Variants in ZCCHC10 observed in about 807,000 individuals in gnomAD.
ZCCHC10 encodes the protein zinc finger CCHC domain-containing protein 10.
A neutral mutation model predicts 19.5 loss-of-function variants in ZCCHC10; 16 were observed. The observed-to-expected ratio is 0.82, with a 90% CI of 0.56 to 1.25. The LOEUF is 1.25. ZCCHC10 is among the 50% of genes most tolerant of loss of function. ZCCHC10 has a pLI of 0.00. For missense variants in ZCCHC10, 197 were observed against 201.0 expected, an observed-to-expected ratio of 0.98 and a Z score of 0.12; for synonymous variants, 67 against 72.5, an observed-to-expected ratio of 0.92 and a Z score of 0.38.
intron 3 of ZCCHC10, among the ~76,000 whole-genome samples, chr5:133,001,011 G>C (rs1344921065): frequency 1.3e-5 from 2 of 152,004 alleles, no homozygotes; most frequent in Non-Finnish European, 2.9e-5. Context: ...TAGTTATAAA[G>C]TCTGGTAAAT....
intron 3 of ZCCHC10, among the ~76,000 whole-genome samples, chr5:133,002,639 T>A (rs1389054064): frequency 1.3e-5 from 2 of 152,186 alleles, no homozygotes; most frequent in Admixed American, 6.6e-5. Context: ...AAAGGGCATA[T>A]TATATACATA....
In ZCCHC10 at chr5:132,998,608, G is replaced by A; in HGVS notation, c.554C>T (p.Pro185Leu). ...TSTDSSSDDE[P>L]PKKKKKK ...CTATTTCTTTTTCTTCTTCTTTGGT[G>A]GTTCATCGTCAGAGCTGCTATCTGT... Residue 185 changes from proline to leucine, a missense_variant, in exon 5 of 5, where the codon CCA (proline) becomes CTA (leucine). Pro to Leu is a moderately conservative substitution (Grantham distance 98). Transcript: ENST00000509437. The A allele has an allele frequency of 1.2e-6, 2 of 1,613,810 alleles. No individual in the cohort carries two copies. Among genetic ancestry groups the A allele is most frequent in the Non-Finnish European group, 1.7e-6 (2 of 1,179,968 alleles).
At position 133,000,053 on chromosome 5, in the gene ZCCHC10, A is replaced by G. The variant is rs570087580; in HGVS notation, c.311+79T>C. 2.7e-6 allele frequency: 4 copies of G among 1,501,104 alleles called. No individual in the cohort carries two copies. In the Admixed American group the frequency reaches 5.3e-5, roughly 20 times the overall value. The allele number at this position is 1,501,104 out of a possible 1,614,324, so 93.0% of individuals were successfully genotyped here. ...ATGAGCCACTGCATCTGGCATAGCT[A>G]TTGTTTTAAAATCACCTTTCCCATC... On this transcript the variant is annotated intron_variant, in intron 4 of 4. Coordinates refer to ENST00000509437, the MANE Select transcript of ZCCHC10 (RefSeq NM_001300816.3).
At position 132,998,754 on chromosome 5, in the gene ZCCHC10, TGAG is replaced by T; in HGVS notation, c.405_407del (p.Ser136del). 1 of 1,614,168 alleles carries T rather than the reference TGAG, an allele frequency of 6.2e-7. No homozygotes were observed. The highest frequency in any genetic ancestry group is 8.5e-7 in the Non-Finnish European group (1 of 1,180,028). ...AGCTTTCATCAGTGTCACTGTCCTC[TGAG>T]GAGGAAGAGGTAGATGTTTCTTCAC... On this transcript the variant is annotated inframe_deletion, in exon 5 of 5. Transcript: ENST00000509437.
intron 3 of ZCCHC10, among the ~76,000 whole-genome samples, chr5:133,002,045 T>C (rs973456370): frequency 6.9e-5 from 8 of 116,062 alleles, no homozygotes; most frequent in African/African-American, 3.0e-4. Flanking sequence ...CACTGCAAGC[T>C]CCACCTCCCG....
At position 133,025,292 on chromosome 5, in the gene ZCCHC10, C is replaced by G. The variant is rs375591345; in HGVS notation, c.41+1205G>C. Among the ~76,000 whole-genome samples, 8 of 151,988 alleles carry G rather than the reference C, an allele frequency of 5.3e-5. No homozygotes were observed. In the East Asian group the frequency reaches 1.6e-3, roughly 30 times the overall value. ...GGCCAAGGCGGGCGGATCTCGAGGT[C>G]AGGGGATCGAGACCATCCTGGCTAA... On this transcript the variant is annotated intron_variant, in intron 1 of 4. Transcript: ENST00000509437.
In ZCCHC10 at chr5:133,003,524, G is replaced by GA. The variant is rs545902761; in HGVS notation, c.269+3234dup. 9.9e-5 allele frequency among the ~76,000 whole-genome samples: 15 copies of GA among 151,634 alleles called. No homozygotes were observed. The South Asian group carries it at 1.9e-3, about 19-fold the overall frequency. ...ACTGATTAATAAATAACTGAAAGTT[G>GA]AAAAAAAACCCAAAAAACCCAGCAT... On this transcript the variant is annotated intron_variant, in intron 3 of 4. Transcript: ENST00000509437.
intron 2 of ZCCHC10, among the ~76,000 whole-genome samples, chr5:133,009,008 CTT>C (rs796192745): frequency 1.3e-4 from 18 of 142,308 alleles, no homozygotes; most frequent in Admixed American, 2.1e-4. Context: ...GGGAGATTCT[CTT>C]TTTTTTTTTT....
At position 133,006,799 on chromosome 5, in the gene ZCCHC10, C is replaced by G. The variant is rs781140820; in HGVS notation, c.229G>C (p.Ala77Pro). Reference sequence around the variant, plus strand: ...AATCTGTTTTCTTTTTCTTTTAAAGCTTTCTTTAGTTCTGCTGTCCTTGAG... The same window carrying G: ...AATCTGTTTTCTTTTTCTTTTAAAGGTTTCTTTAGTTCTGCTGTCCTTGAG... ...RPSRTAELKK[A>P]LKEKENRLLL... The change falls in exon 3 of 5, where the codon GCT (alanine) becomes CCT (proline). Residue 77 changes from alanine to proline, a missense_variant. Transcript: ENST00000509437. 2 of 1,608,444 alleles carry G rather than the reference C, an allele frequency of 1.2e-6. No individual in the cohort carries two copies. The highest frequency in any genetic ancestry group is 8.5e-7 in the Non-Finnish European group (1 of 1,178,692).
rs937034174 is a variant in ZCCHC10, at chr5:132,997,705, C to G, written c.*878G>C. 2.0e-5 allele frequency: 3 copies of G among 152,236 alleles called. No individual in the cohort carries two copies. In the South Asian group the frequency reaches 6.2e-4, roughly 32 times the overall value. 9.4% of individuals were successfully genotyped at this position (152,236 alleles called of 1,614,324 possible). On this transcript the variant is annotated 3_prime_UTR_variant, in exon 5 of 5. Transcript: ENST00000509437. ...AAAAAAAGCTTTTAATAAAAGGCGA[C>G]CAACATTGCCCTAATTTTCAGTAAA...
chr5:133,024,213 T>C (rs1764519788), intron 1 of ZCCHC10, among the ~76,000 whole-genome samples: 1 of 152,250 alleles, frequency 6.6e-6, no homozygotes, highest in African/African-American at 2.4e-5. Flanking sequence ...TTTCACTTCA[T>C]ATTTAAAGTG....
rs560471912 is a variant in ZCCHC10 at position 133,003,901 on chromosome 5, G to C, written c.269+2858C>G. ...ATTTTTGTATTTTTAGTAGAGACAGGGTTTTGCCATGTTGGCCAGGATGGT... is the reference window on the plus strand; with the variant it reads ...ATTTTTGTATTTTTAGTAGAGACAGCGTTTTGCCATGTTGGCCAGGATGGT... On this transcript the variant is annotated intron_variant, in intron 3 of 4. Coordinates refer to ENST00000509437, the MANE Select transcript of ZCCHC10 (RefSeq NM_001300816.3). Among the ~76,000 whole-genome samples, 302 of 151,750 alleles carry C rather than the reference G, an allele frequency of 2.0e-3. 3 individuals are homozygous for C. The highest frequency in any genetic ancestry group is 6.7e-3 in the African/African-American group (279 of 41,396).
intron 2 of ZCCHC10, among the ~76,000 whole-genome samples, chr5:133,014,771 G>A (rs890422553): frequency 3.3e-5 from 5 of 152,162 alleles, no homozygotes; most frequent in Admixed American, 1.3e-4. Flanking sequence ...ACACAGCTTC[G>A]CCCAGAGTGA....
At chr5:133,015,024 G>A (rs914972265) in intron 2 of ZCCHC10, among the ~76,000 whole-genome samples, 1 of 149,864 alleles carries the variant, frequency 6.7e-6, no homozygotes, top group African/African-American at 2.5e-5. Context: ...TACTGATGAT[G>A]TTCACTTTGA....
chr5:133,021,111 T>C (rs557801774), intron 2 of ZCCHC10, among the ~76,000 whole-genome samples: 3 of 152,192 alleles, frequency 2.0e-5, no homozygotes, highest in Admixed American at 6.6e-5. Context: ...TTAGCCAGGA[T>C]AGTCTTGATC....
rs553013801 is a variant in ZCCHC10 at position 133,007,555 on chromosome 5, A to C, written c.108-635T>G. Among the ~76,000 whole-genome samples the C allele has an allele frequency of 1.1e-4, 16 of 151,852 alleles. No individual in the cohort carries two copies. In the East Asian group the frequency reaches 1.4e-3, roughly 13 times the overall value. ...GAGACTCCGTCTCACAAAAAAAAAA[A>C]AAAACAAAAAACCACAGGAGTTTCC... On this transcript the variant is annotated intron_variant, in intron 2 of 4. Coordinates refer to ENST00000509437, the MANE Select transcript of ZCCHC10 (RefSeq NM_001300816.3).
intron 1 of ZCCHC10, 149 bp downstream of exon 1, chr5:133,026,347 AT>A: frequency 1.8e-6 from 2 of 1,136,626 alleles, no homozygotes; most frequent in South Asian, 2.7e-5. Flanking sequence ...CACCAGACTT[AT>A]CGCCCGGGCC....
At position 132,997,287 on chromosome 5, in the gene ZCCHC10, A is replaced by G. The variant is rs1262441115; in HGVS notation, c.*1296T>C. 1 of 152,202 alleles carries G rather than the reference A, an allele frequency of 6.6e-6. No individual in the cohort carries two copies. The highest frequency in any genetic ancestry group is 1.5e-5 in the Non-Finnish European group (1 of 68,026). 9.4% of individuals were successfully genotyped at this position (152,202 alleles called of 1,614,324 possible). A position where few individuals can be genotyped will look rare whatever the true frequency, so the allele number is the denominator to read the frequency against. ...CATACATATATTTCAATATTTAAAT[A>G]GCCTGTTTTCTTCAAAAGTAATTTT... On this transcript the variant is annotated 3_prime_UTR_variant, in exon 5 of 5. Coordinates refer to ENST00000509437, the MANE Select transcript of ZCCHC10 (RefSeq NM_001300816.3).
intron 2 of ZCCHC10, among the ~76,000 whole-genome samples, chr5:133,016,943 C>G (rs573176793): frequency 4.5e-4 from 69 of 152,078 alleles, no homozygotes; most frequent in African/African-American, 1.4e-3. Flanking sequence ...CAGGCCCCCC[C>G]CAGACACATT....
Sources: allele counts gnomAD v4.1 joint callset (sites outside exome capture counted in the v4.1 genomes callset), GRCh38; gene constraint gnomAD v4.1.1; transcripts MANE v1.5; gene names NCBI Gene and HGNC (gene_info 2026-07-23, HGNC 2026-07-21).